Variants in DCAF17 observed in about 807,000 individuals in gnomAD.
DCAF17 encodes DDB1- and CUL4-associated factor 17.
DCAF17 carries 48 observed loss-of-function variants against 66.0 expected under a neutral mutation model. That is an observed-to-expected ratio of 0.73 (90% CI 0.58 to 0.92). The LOEUF is 0.92. Among genes scored for constraint, DCAF17 ranks in the 40% least tolerant of loss-of-function variants. The pLI is 0.00. For synonymous variants in DCAF17, 206 were observed against 214.6 expected (o/e 0.96, Z 0.35); for missense variants, 562 against 622.8 (o/e 0.90, Z 1.04).
intron 10 of DCAF17, among the ~76,000 whole-genome samples, chr2:171,476,213 A>G (rs890616472): frequency 6.6e-6 from 1 of 152,110 alleles, no homozygotes; most frequent in South Asian, 2.1e-4. Context: ...CTTGTTAACA[A>G]TGTAAACAGA....
intron 12 of DCAF17, among the ~76,000 whole-genome samples, chr2:171,479,325 A>G (rs1473752408): frequency 6.6e-6 from 1 of 152,124 alleles, no homozygotes; most frequent in African/African-American, 2.4e-5. Flanking sequence ...CCTGTGGTCT[A>G]TTCCTGGATG....
intron 3 of DCAF17, among the ~76,000 whole-genome samples, chr2:171,448,178 C>T (rs142740199): frequency 0.017 from 2,636 of 152,212 alleles, 36 homozygotes; most frequent in Non-Finnish European, 0.028. Context: ...GTCACCCAGG[C>T]TGGAGTGCAG....
intron 2 of DCAF17, among the ~76,000 whole-genome samples, chr2:171,436,103 G>A (rs1693924112): frequency 6.6e-6 from 1 of 152,072 alleles, no homozygotes; most frequent in Non-Finnish European, 1.5e-5. Flanking sequence ...TTTGTAACTG[G>A]CTTTTTCACT....
rs538850846 is a variant in DCAF17 at position 171,454,765 on chromosome 2, T to C, written c.627+1552T>C. Among the ~76,000 whole-genome samples, 174 of 151,738 alleles carry C rather than the reference T, an allele frequency of 1.1e-3. 2 individuals carry two copies. In the Middle Eastern group the frequency reaches 0.02, roughly 18 times the overall value. On this transcript the variant is annotated intron_variant, in intron 6 of 13. Transcript: ENST00000375255. ...TATAAAAATTAGCCACGGGTGGTAGTGCACACCTGTAGTCCCAGCTACTCG... is the reference window on the plus strand; with the variant it reads ...TATAAAAATTAGCCACGGGTGGTAGCGCACACCTGTAGTCCCAGCTACTCG...
chr2:171,435,034 T>C (rs142320900), intron 1 of DCAF17, 49 bp from the exon 2 acceptor site: 3 of 1,414,404 alleles, frequency 2.1e-6, no homozygotes, highest in African/African-American at 1.4e-5. Flanking sequence ...AAAATCTAAC[T>C]TAAAGCCTAA....
chr2:171,481,159 C>T lies in DCAF17; in HGVS notation c.*45C>T, dbSNP rs1281612315. 1 of 1,611,250 alleles carries T rather than the reference C, an allele frequency of 6.2e-7. No individual in the cohort carries two copies. Among genetic ancestry groups the T allele is most frequent in the South Asian group, 1.1e-5 (1 of 91,008 alleles). ...ACCTAAGAGACTTTTAGCCAAACAC[C>T]CCAGCAGCTGCGTCCAATCCATTTT... On this transcript the variant is annotated 3_prime_UTR_variant, in exon 14 of 14. Transcript: ENST00000375255.
chr2:171,443,704 T>G, intron 3 of DCAF17, 91 bp downstream of exon 3: 1 of 991,018 alleles, frequency 1.0e-6, no homozygotes, highest in Non-Finnish European at 1.6e-6. Flanking sequence ...ATAATACAAC[T>G]TAAATATCAT....
chr2:171,463,058 C>T (rs1483823441), intron 8 of DCAF17, among the ~76,000 whole-genome samples: 2 of 151,948 alleles, frequency 1.3e-5, no homozygotes, highest in Non-Finnish European at 2.9e-5. Context: ...TGGCGAAACC[C>T]TGTCTCTACT....
chr2:171,479,798 C>G (rs1282610415), intron 12 of DCAF17: 2 of 453,240 alleles, frequency 4.4e-6, no homozygotes, highest in Admixed American at 7.0e-5. Context: ...TTGAGATCTA[C>G]ATAGACTTGG....
chr2:171,461,429 A>G (rs1695580933), intron 8 of DCAF17, among the ~76,000 whole-genome samples: 1 of 152,216 alleles, frequency 6.6e-6, no homozygotes, highest in African/African-American at 2.4e-5. Flanking sequence ...TCTGTCTCAA[A>G]AGGAAAGAAA....
rs1696847067 is a variant in DCAF17 at position 171,483,901 on chromosome 2, C to T, written c.*2787C>T. ...TCGGCATGAACTTGTGCCAAATTTC[C>T]TCCAAAGTTCTCAAAAGGCAAGGCA... On this transcript the variant is annotated 3_prime_UTR_variant, in exon 14 of 14. Transcript: ENST00000375255. 6.6e-6 allele frequency: 3 copies of T among 454,032 alleles called. No individual in the cohort carries two copies. Among genetic ancestry groups the T allele is most frequent in the South Asian group, 3.1e-5 (2 of 64,468 alleles). The allele number at this position is 454,032 out of a possible 1,614,324, so 28.1% of individuals were successfully genotyped here.
chr2:171,484,704 C>T lies in DCAF17; in HGVS notation c.*3590C>T. The T allele has an allele frequency of 2.2e-6, 1 of 454,058 alleles. No individual in the cohort carries two copies. The highest frequency in any genetic ancestry group is 1.6e-5 in the South Asian group (1 of 64,466). The allele number at this position is 454,058 out of a possible 1,614,324, so 28.1% of individuals were successfully genotyped here. ...ACCCTTTCCAAAATTTAGACCATTG[C>T]AATCATCTTCAGAAAGTTTCCTAAA... On this transcript the variant is annotated 3_prime_UTR_variant, in exon 14 of 14. Coordinates refer to ENST00000375255, the MANE Select transcript of DCAF17 (RefSeq NM_025000.4).
intron 10 of DCAF17, among the ~76,000 whole-genome samples, chr2:171,475,076 A>G (rs1013699517): frequency 6.6e-6 from 1 of 152,244 alleles, no homozygotes; most frequent in Non-Finnish European, 1.5e-5. Flanking sequence ...CATGGTCCGA[A>G]AGACCCTCCT....
rs571203985 is a variant in DCAF17 at position 171,477,455 on chromosome 2, T to TG, written c.1182+505_1182+506insG. On this transcript the variant is annotated intron_variant, in intron 11 of 13. Transcript: ENST00000375255. ...GCTAATCTATAATCTTTTAAATAAT[T>TG]TTTTTTTTGCCCATTCTGGCATTTT... Among the ~76,000 whole-genome samples the TG allele has an allele frequency of 7.3e-5, 11 of 151,656 alleles. No homozygotes were observed. In the East Asian group the frequency reaches 2.1e-3, roughly 29 times the overall value.
chr2:171,470,815 G>A (rs751396025), intron 9 of DCAF17, among the ~76,000 whole-genome samples: 9 of 151,988 alleles, frequency 5.9e-5, no homozygotes, highest in African/African-American at 1.9e-4. Flanking sequence ...ACACGCACAC[G>A]TACAGATACA....
intron 8 of DCAF17, 71 bp downstream of exon 8, chr2:171,458,548 G>T (rs1695395280): frequency 9.5e-6 from 11 of 1,159,692 alleles, no homozygotes; most frequent in Non-Finnish European, 1.4e-5. Context: ...ATTAATTATA[G>T]TCATCCAAAT....
At chr2:171,468,733 C>T (rs1451639505) in intron 8 of DCAF17, among the ~76,000 whole-genome samples, 155 bp from the exon 9 acceptor site, 1 of 152,196 alleles carries the variant, frequency 6.6e-6, no homozygotes, top group Non-Finnish European at 1.5e-5. Context: ...CAATAAACTC[C>T]TTACCTGATT....
Position 171,484,741 on chromosome 2 carries a change from G to A in DCAF17, c.*3627G>A, listed in dbSNP as rs1696882553. The A allele has an allele frequency of 2.2e-6, 1 of 453,762 alleles. No homozygotes were observed. Among genetic ancestry groups the A allele is most frequent in the Non-Finnish European group, 4.4e-6 (1 of 226,744 alleles). The allele number at this position is 453,762 out of a possible 1,614,324, so 28.1% of individuals were successfully genotyped here. ...GAAAGTTTCCTAAATCCCTCTCCCA[G>A]TCTATCCCCTCCCCACCCCTCAGGT... On this transcript the variant is annotated 3_prime_UTR_variant, in exon 14 of 14. Coordinates refer to ENST00000375255, the MANE Select transcript of DCAF17 (RefSeq NM_025000.4).
intron 8 of DCAF17, among the ~76,000 whole-genome samples, chr2:171,463,244 AAAG>A (rs1695700681): frequency 6.6e-6 from 1 of 151,500 alleles, no homozygotes; most frequent in African/African-American, 2.4e-5. Context: ...AAAAAAACAG[AAAG>A]AAGAATTCTT....
Sources: allele counts gnomAD v4.1 joint callset (sites outside exome capture counted in the v4.1 genomes callset), GRCh38; gene constraint gnomAD v4.1.1; transcripts MANE v1.5; gene names NCBI Gene and HGNC (gene_info 2026-07-23, HGNC 2026-07-21).